The following GLI2 variants were observed in gnomAD, a reference collection of about 807,000 sequenced individuals.
GLI2 encodes the protein GLI family zinc finger 2.
A neutral mutation model predicts 78.9 loss-of-function variants in GLI2; 22 were observed. The observed-to-expected ratio is 0.28, with a 90% CI of 0.20 to 0.40. The LOEUF is 0.40. GLI2 is among the 10% of genes least tolerant of loss of function. The probability of loss-of-function intolerance (pLI) is 1.00; values close to 1 mark genes in which losing one functional copy is unlikely to be tolerated. For missense variants in GLI2, 2,097 were observed against 2,213.2 expected, an observed-to-expected ratio of 0.95 and a Z score of 1.05; for synonymous variants, 974 against 963.7, an observed-to-expected ratio of 1.01 and a Z score of -0.20.
intron 3 of GLI2, among the ~76,000 whole-genome samples, chr2:120,935,860 G>A (rs367987053): frequency 1.3e-5 from 2 of 152,186 alleles, no homozygotes; most frequent in South Asian, 4.1e-4. Flanking sequence ...TGATAAGACG[G>A]GCTGGTCTTT....
intron 2 of GLI2, among the ~76,000 whole-genome samples, chr2:120,877,562 C>G (rs1688820398): frequency 6.6e-6 from 1 of 152,172 alleles, no homozygotes; most frequent in African/African-American, 2.4e-5. Context: ...AACCATACTT[C>G]TGACTTCTGA....
At position 120,896,669 on chromosome 2, in the gene GLI2, AC is replaced by A. The variant is rs11418226; in HGVS notation, c.149-30685del. On this transcript the variant is annotated intron_variant, in intron 2 of 13. Coordinates refer to ENST00000361492, the MANE Select transcript of GLI2 (RefSeq NM_001374353.1). Reference sequence around the variant, plus strand: ...CACACACACACACACACATACACCCACCCCCCCACACACTCACACACACCCA... The same window carrying A: ...CACACACACACACACACATACACCCACCCCCCACACACTCACACACACCCA... Among the ~76,000 whole-genome samples, 338 of 141,782 alleles carry A rather than the reference AC, an allele frequency of 2.4e-3. 1 individual carries two copies. Among genetic ancestry groups the A allele is most frequent in the African/African-American group, 8.6e-3 (325 of 37,602 alleles). The allele number at this position is 141,782 out of a possible 152,430, so 93.0% of individuals were successfully genotyped here.
intron 1 of GLI2, among the ~76,000 whole-genome samples, chr2:120,780,188 C>T (rs115391094): frequency 0.017 from 2,642 of 152,098 alleles, 62 homozygotes; most frequent in African/African-American, 0.06. Flanking sequence ...AGCATGTGGG[C>T]GGGCGTGCCA....
intron 2 of GLI2, among the ~76,000 whole-genome samples, chr2:120,875,784 T>C (rs931567029): frequency 6.0e-5 from 9 of 150,910 alleles, no homozygotes; most frequent in African/African-American, 2.2e-4. Flanking sequence ...GAGCCAGGAC[T>C]AAAAGATGAC....
intron 1 of GLI2, among the ~76,000 whole-genome samples, chr2:120,741,464 C>T (rs1242941586): frequency 5.3e-5 from 8 of 150,644 alleles, no homozygotes; most frequent in Non-Finnish European, 1.0e-4. Context: ...CTCTCTGGGT[C>T]TCTCCTTTCT....
chr2:120,780,920 C>T (rs994444457), intron 1 of GLI2, among the ~76,000 whole-genome samples: 3 of 152,166 alleles, frequency 2.0e-5, no homozygotes, highest in South Asian at 2.1e-4. Flanking sequence ...TGTCCATGAA[C>T]GTCAGGGTCA....
chr2:120,952,359 A>T (rs1049858330), intron 4 of GLI2, among the ~76,000 whole-genome samples: 2 of 152,318 alleles, frequency 1.3e-5, no homozygotes, highest in South Asian at 4.1e-4. Context: ...GGCTCTAGGA[A>T]ATGGGGTCCC....
intron 11 of GLI2, 147 bp downstream of exon 11, chr2:120,983,027 A>G (rs111496755): frequency 1.6e-6 from 1 of 621,074 alleles, no homozygotes. Context: ...GATACAGACC[A>G]GGACTCTTTG....
chr2:120,810,628 T>C (rs902201086), intron 2 of GLI2, among the ~76,000 whole-genome samples: 2 of 152,088 alleles, frequency 1.3e-5, no homozygotes, highest in Admixed American at 6.5e-5. Flanking sequence ...TTGGAAGGGA[T>C]GAGGATACAG....
At chr2:120,960,933 T>A (rs1234233828) in intron 5 of GLI2, among the ~76,000 whole-genome samples, 4 of 152,230 alleles carry the variant, frequency 2.6e-5, no homozygotes, top group Admixed American at 6.5e-5. Flanking sequence ...GGAGCGCTGC[T>A]GTGTGGGAAG....
chr2:120,863,827 C>T lies in GLI2; in HGVS notation c.149-63534C>T, dbSNP rs557646663. ...ACAGATAAGCTGAGTCACAGGAGGG[C>T]GAGGCCGAGGCAGCCCTTCCAGGAA... On this transcript the variant is annotated intron_variant, in intron 2 of 13. Transcript: ENST00000361492. Among the ~76,000 whole-genome samples, 24 of 152,226 alleles carry T rather than the reference C, an allele frequency of 1.6e-4. No homozygotes were observed. The East Asian group carries it at 3.1e-3, about 20-fold the overall frequency.
chr2:120,899,218 G>A (rs1245214967), intron 2 of GLI2, among the ~76,000 whole-genome samples: 1 of 152,164 alleles, frequency 6.6e-6, no homozygotes. Context: ...GGCCTCATCT[G>A]TGCATTTGTG....
chr2:120,758,935 T>TCC (rs1452221831), intron 1 of GLI2, among the ~76,000 whole-genome samples: 5 of 151,924 alleles, frequency 3.3e-5, no homozygotes, highest in Non-Finnish European at 7.4e-5. Context: ...GGCCTTCCTC[T>TCC]CCCCTCTGGA....
At chr2:120,742,582 A>T (rs998807982) in intron 1 of GLI2, among the ~76,000 whole-genome samples, 4 of 151,708 alleles carry the variant, frequency 2.6e-5, no homozygotes, top group Admixed American at 2.6e-4. Context: ...CCCGCCACAC[A>T]CGTGAGGCCG....
At chr2:120,831,663 G>GCC (rs1359487816) in intron 2 of GLI2, among the ~76,000 whole-genome samples, 1 of 152,188 alleles carries the variant, frequency 6.6e-6, no homozygotes, top group African/African-American at 2.4e-5. Context: ...TTGTCACACA[G>GCC]CCCCCGGTGG....
At chr2:120,790,225 CAG>C (rs1491308656) in intron 1 of GLI2, among the ~76,000 whole-genome samples, 5 of 152,196 alleles carry the variant, frequency 3.3e-5, no homozygotes, top group Middle Eastern at 3.2e-3. Flanking sequence ...CATAGAGAAA[CAG>C]GGGGGTCTGT....
intron 2 of GLI2, among the ~76,000 whole-genome samples, chr2:120,885,343 C>T (rs1677345489): frequency 6.6e-6 from 1 of 152,226 alleles, no homozygotes; most frequent in Admixed American, 6.5e-5. Flanking sequence ...TTGCCAAGCT[C>T]ACTGGGCTTT....
At chr2:120,847,160 G>A (rs1170572864) in intron 2 of GLI2, among the ~76,000 whole-genome samples, 1 of 151,996 alleles carries the variant, frequency 6.6e-6, no homozygotes, top group Non-Finnish European at 1.5e-5. Context: ...AATAGTCCTA[G>A]GAAAACCTGA....
chr2:120,936,566 C>T (rs954186768), intron 3 of GLI2, among the ~76,000 whole-genome samples: 1 of 152,200 alleles, frequency 6.6e-6, no homozygotes, highest in Non-Finnish European at 1.5e-5. Flanking sequence ...CGTGATTGTC[C>T]TCAGAGAGGA....
Sources: allele counts gnomAD v4.1 joint callset (sites outside exome capture counted in the v4.1 genomes callset), GRCh38; gene constraint gnomAD v4.1.1; transcripts MANE v1.5; gene names NCBI Gene and HGNC (gene_info 2026-07-23, HGNC 2026-07-21).